SETDB2: variants seen among roughly 807,000 people sequenced by gnomAD.
SETDB2 encodes the protein histone-lysine N-methyltransferase SETDB2.
A neutral mutation model predicts 82.5 loss-of-function variants in SETDB2; 56 were observed. That is an observed-to-expected ratio of 0.68 (90% confidence interval 0.55 to 0.85). The LOEUF is 0.85. SETDB2 is among the 40% of genes least tolerant of loss of function. The pLI is 0.00. For synonymous variants in SETDB2, 272 were observed against 284.9 expected (o/e 0.95, Z 0.46); for missense variants, 677 against 816.4 (o/e 0.83, Z 2.08).
rs1013172195 is a variant in SETDB2 at position 49,483,609 on chromosome 13, A to T, written c.1482+46A>T. 1.9e-3 allele frequency: 409 copies of T among 220,460 alleles called. 7 individuals carry two copies. The highest frequency in any genetic ancestry group is 0.015 in the South Asian group (351 of 24,054). The allele number at this position is 220,460 out of a possible 1,614,324, so 13.7% of individuals were successfully genotyped here. ...TTGGGACCCTTCTTTTCTTTTTTAA[A>T]TTTTTTTTTTTTTTTTTTTTTTTTT... is the stretch of plus-strand genomic sequence containing the variant. On this transcript the variant is annotated intron_variant, in intron 10 of 13. Transcript: ENST00000611815.
At chr13:49,460,021 C>T in intron 2 of SETDB2, 86 bp from the exon 3 acceptor site, 1 of 1,370,428 alleles carries the variant, frequency 7.3e-7, no homozygotes. Context: ...GTTTAGAAAC[C>T]AAGTAGATTG....
intron 6 of SETDB2, 150 bp from the exon 7 acceptor site, chr13:49,480,069 A>G (rs1958447931): frequency 7.3e-6 from 4 of 547,078 alleles, no homozygotes; most frequent in South Asian, 2.6e-5. Flanking sequence ...AAAGAGATCT[A>G]TTTAGGGAAA....
At chr13:49,453,103 T>G (rs1265530127) in intron 2 of SETDB2, among the ~76,000 whole-genome samples, 1 of 152,210 alleles carries the variant, frequency 6.6e-6, no homozygotes, top group Non-Finnish European at 1.5e-5. Flanking sequence ...TAATTATATT[T>G]GGAATATTTC....
At chr13:49,471,757 A>G (rs1958246088) in intron 5 of SETDB2, among the ~76,000 whole-genome samples, 2 of 151,820 alleles carry the variant, frequency 1.3e-5, no homozygotes, top group South Asian at 4.2e-4. Flanking sequence ...GTAAACACTA[A>G]AATAGGAACT....
At chr13:49,474,996 G>T (rs1471240807) in intron 5 of SETDB2, among the ~76,000 whole-genome samples, 1 of 152,166 alleles carries the variant, frequency 6.6e-6, no homozygotes, top group Admixed American at 6.5e-5. Context: ...TTTATATAGT[G>T]TATTAGTCCG....
At chr13:49,461,041 A>G in intron 3 of SETDB2, 56 bp from the exon 4 acceptor site, 2 of 1,323,740 alleles carry the variant, frequency 1.5e-6, no homozygotes, top group Non-Finnish European at 2.2e-6. Context: ...TGTTTAGCAC[A>G]GTAGCTGGCA....
intron 12 of SETDB2, among the ~76,000 whole-genome samples, chr13:49,489,596 C>CTTTTTTTTTTT (rs58715452): frequency 3.0e-5 from 3 of 100,562 alleles, no homozygotes; most frequent in Admixed American, 1.4e-4. Context: ...CATATTTATT[C>CTTTTTTTTTTT]TTTTTTTTTT....
At chr13:49,487,316 C>A (rs1958616365) in intron 11 of SETDB2, among the ~76,000 whole-genome samples, 1 of 152,054 alleles carries the variant, frequency 6.6e-6, no homozygotes, top group Non-Finnish European at 1.5e-5. Flanking sequence ...CTTACTCCAT[C>A]TGACATGCAT....
intron 2 of SETDB2, among the ~76,000 whole-genome samples, chr13:49,457,366 T>G (rs1434588845): frequency 6.7e-6 from 1 of 148,892 alleles, no homozygotes; most frequent in Non-Finnish European, 1.5e-5. Context: ...TAAGACTTTT[T>G]TTTTTTAATA....
Position 49,476,542 on chromosome 13 carries a change from A to C in SETDB2, c.372A>C (p.Ser124=), listed in dbSNP as rs370050788. The C allele has an allele frequency of 1.7e-5, 27 of 1,613,552 alleles. No homozygotes were observed. Among genetic ancestry groups the C allele is most frequent in the Non-Finnish European group, 2.3e-5 (27 of 1,179,780 alleles). The change falls in exon 6 of 14, where the codon TCA becomes TCC. Residue 124 remains serine (S), a synonymous_variant. Coordinates refer to ENST00000611815, the MANE Select transcript of SETDB2 (RefSeq NM_001160308.3). ...DKVVDFREKD[S]SSNLSYQSHD... is the part of the protein sequence containing the mutation. The stretch of plus-strand genomic sequence containing the variant: ...TTGTAGACTTTAGAGAAAAAGACTC[A>C]TCTTCGAATTTATCTTACCAAAGTC...
intron 6 of SETDB2, among the ~76,000 whole-genome samples, chr13:49,478,398 G>A (rs1417775445): frequency 6.6e-6 from 1 of 152,170 alleles, no homozygotes; most frequent in Non-Finnish European, 1.5e-5. Context: ...CTTGTTAACA[G>A]CTGTAAAACC....
At chr13:49,466,833 T>TC (rs1958125089) in intron 4 of SETDB2, among the ~76,000 whole-genome samples, 1 of 143,172 alleles carries the variant, frequency 7.0e-6, no homozygotes, top group Non-Finnish European at 1.5e-5. Context: ...TTTTTTTTTC[T>TC]GTCGTAGAGA....
intron 4 of SETDB2, among the ~76,000 whole-genome samples, chr13:49,462,967 A>T (rs1376140383): frequency 6.6e-6 from 1 of 152,092 alleles, no homozygotes; most frequent in African/African-American, 2.4e-5. Context: ...AAGATAGAAG[A>T]CAGGTTAACA....
chr13:49,451,037 T>C (rs900628702), intron 1 of SETDB2, among the ~76,000 whole-genome samples: 1 of 151,548 alleles, frequency 6.6e-6, no homozygotes, highest in African/African-American at 2.4e-5. Flanking sequence ...ATACAGCCAG[T>C]TGTATTATAC....
At chr13:49,489,596 CTTTT>C (rs58715452) in intron 12 of SETDB2, among the ~76,000 whole-genome samples, 3 of 100,564 alleles carry the variant, frequency 3.0e-5, no homozygotes. Flanking sequence ...CATATTTATT[CTTTT>C]TTTTTTTTTT....
chr13:49,445,824 G>C (rs1283886021), intron 1 of SETDB2: 2 of 152,346 alleles, frequency 1.3e-5, no homozygotes, highest in African/African-American at 4.9e-5. Flanking sequence ...CCAGCTTCTC[G>C]GGAGGCTGAG....
At position 49,483,456 on chromosome 13, in the gene SETDB2, C is replaced by CT; in HGVS notation, c.1383-3dup. 2.4e-6 allele frequency: 3 copies of CT among 1,228,116 alleles called. No homozygotes were observed. The highest frequency in any genetic ancestry group is 3.4e-6 in the Non-Finnish European group (3 of 885,374). The allele number at this position is 1,228,116 out of a possible 1,614,324, so 76.1% of individuals were successfully genotyped here. A position where few individuals can be genotyped will look rare whatever the true frequency, so the allele number is the denominator to read the frequency against. On this transcript the variant is annotated splice_region_variant and splice_polypyrimidine_tract_variant and intron_variant, in intron 9 of 13. Coordinates refer to ENST00000611815, the MANE Select transcript of SETDB2 (RefSeq NM_001160308.3). ...AGTGATACAGAATAACTTTTTTTTC[C>CT]TTTTTAGGGAAACGAAATATGATAA...
At chr13:49,455,347 C>CAT (rs1254949057) in intron 2 of SETDB2, among the ~76,000 whole-genome samples, 1 of 152,108 alleles carries the variant, frequency 6.6e-6, no homozygotes, top group Non-Finnish European at 1.5e-5. Flanking sequence ...TGGAGTCTGA[C>CAT]ATATCATTGA....
intron 11 of SETDB2, among the ~76,000 whole-genome samples, chr13:49,487,989 T>C (rs1305734496): frequency 6.6e-6 from 1 of 152,190 alleles, no homozygotes; most frequent in Non-Finnish European, 1.5e-5. Context: ...AGAGATTAAA[T>C]ATAATAATGA....
Sources: allele counts gnomAD v4.1 joint callset (sites outside exome capture counted in the v4.1 genomes callset), GRCh38; gene constraint gnomAD v4.1.1; transcripts MANE v1.5; gene names NCBI Gene and HGNC (gene_info 2026-07-23, HGNC 2026-07-21).